DPP6: variants seen among roughly 807,000 people sequenced by gnomAD.
DPP6 encodes the protein A-type potassium channel modulatory protein DPP6.
Under a neutral mutation model 122.6 loss-of-function variants are expected in DPP6, and 69 were observed. The observed-to-expected ratio is 0.56, with a 90% CI of 0.46 to 0.69. DPP6 has a LOEUF of 0.69. DPP6 is among the 30% of genes least tolerant of loss of function. DPP6 has a pLI of 0.00. For synonymous variants in DPP6, 418 were observed against 433.1 expected, an observed-to-expected ratio of 0.97 and a Z score of 0.43; for missense variants, 928 against 1,116.9, an observed-to-expected ratio of 0.83 and a Z score of 2.41.
At chr7:154,064,948 C>T (rs980770927) in intron 1 of DPP6, among the ~76,000 whole-genome samples, 1 of 152,124 alleles carries the variant, frequency 6.6e-6, no homozygotes, top group Non-Finnish European at 1.5e-5. Context: ...GACCTTGCAG[C>T]GTCTCCTCCT....
chr7:153,787,086 G>C, the DPP6 span, among the ~76,000 whole-genome samples: 1 of 143,464 alleles, frequency 7.0e-6, no homozygotes, highest in Non-Finnish European at 1.5e-5. Flanking sequence ...CAAGTAGCTG[G>C]GACTACAGGT....
chr7:154,330,533 G>C (rs1254842330), intron 1 of DPP6, among the ~76,000 whole-genome samples: 1 of 152,232 alleles, frequency 6.6e-6, no homozygotes, highest in African/African-American at 2.4e-5. Flanking sequence ...AGGGCAGTTT[G>C]ACAAAGAGCA....
At chr7:154,346,546 A>G (rs1487371474) in intron 1 of DPP6, among the ~76,000 whole-genome samples, 1 of 152,124 alleles carries the variant, frequency 6.6e-6, no homozygotes, top group Non-Finnish European at 1.5e-5. Flanking sequence ...ATCTCAGGTA[A>G]TCCACCCACC....
the DPP6 span, among the ~76,000 whole-genome samples, chr7:153,804,913 C>T: frequency 1.3e-5 from 2 of 152,020 alleles, no homozygotes; most frequent in East Asian, 1.9e-4. Context: ...TTGCACCAAC[C>T]TATTAATTAA....
chr7:154,324,871 T>TATTA (rs1563481254), intron 1 of DPP6, among the ~76,000 whole-genome samples: 1 of 144,774 alleles, frequency 6.9e-6, no homozygotes, highest in Admixed American at 6.9e-5. Flanking sequence ...TTTGTTATTT[T>TATTA]TTTTTTTTTT....
At chr7:153,889,525 T>G (rs1365876523) in intron 1 of DPP6, among the ~76,000 whole-genome samples, 1 of 152,208 alleles carries the variant, frequency 6.6e-6, no homozygotes, top group African/African-American at 2.4e-5. Flanking sequence ...AAGTTTCTAC[T>G]TATAACTTGC....
chr7:154,602,384 A>C lies in DPP6; in HGVS notation c.628-35437A>C, dbSNP rs184391339. On this transcript the variant is annotated intron_variant, in intron 5 of 25. Transcript: ENST00000377770. ...AAATCAACTGTCTTTAAGAAAAAAAACAGCTTTATATTTATCTATTTCTTA... is the reference window on the plus strand; with the variant it reads ...AAATCAACTGTCTTTAAGAAAAAAACCAGCTTTATATTTATCTATTTCTTA... 1.8e-3 allele frequency among the ~76,000 whole-genome samples: 216 copies of C among 121,170 alleles called. 36 individuals are homozygous for C. The highest frequency in any genetic ancestry group is 5.6e-3 in the African/African-American group (214 of 38,082). The allele number at this position is 121,170 out of a possible 152,430, so 79.5% of individuals were successfully genotyped here. A position where few individuals can be genotyped will look rare whatever the true frequency, so the allele number is the denominator to read the frequency against.
At chr7:154,497,410 C>T (rs1357446328) in intron 3 of DPP6, among the ~76,000 whole-genome samples, 1 of 152,042 alleles carries the variant, frequency 6.6e-6, no homozygotes, top group East Asian at 1.9e-4. Flanking sequence ...GAGTTTGAAA[C>T]CAGCCTGGCC....
At chr7:154,169,390 A>C (rs1377190451) in intron 1 of DPP6, among the ~76,000 whole-genome samples, 1 of 152,184 alleles carries the variant, frequency 6.6e-6, no homozygotes, top group Non-Finnish European at 1.5e-5. Flanking sequence ...TCAGGCAAGC[A>C]GTTGGCTCCA....
chr7:154,040,645 A>G (rs1799711661), intron 1 of DPP6, among the ~76,000 whole-genome samples: 1 of 151,938 alleles, frequency 6.6e-6, no homozygotes. Context: ...ATGCAATTCC[A>G]GAAGGATAAT....
chr7:153,900,975 G>A (rs1223529794), intron 1 of DPP6, among the ~76,000 whole-genome samples: 4 of 152,238 alleles, frequency 2.6e-5, no homozygotes. Context: ...TTGTTATTAA[G>A]GAAGAATTGG....
intron 1 of DPP6, among the ~76,000 whole-genome samples, chr7:154,267,979 A>G (rs551167925): frequency 3.3e-5 from 5 of 151,720 alleles, no homozygotes; most frequent in African/African-American, 1.2e-4. Context: ...GTATATGCGC[A>G]CATACATATT....
chr7:154,382,751 G>T (rs1380917812), intron 1 of DPP6, among the ~76,000 whole-genome samples: 1 of 152,138 alleles, frequency 6.6e-6, no homozygotes, highest in Non-Finnish European at 1.5e-5. Flanking sequence ...TTGTTTTTGA[G>T]ACAGAGTTTT....
intron 1 of DPP6, among the ~76,000 whole-genome samples, chr7:154,202,954 C>A (rs1563312401): frequency 6.6e-6 from 1 of 152,048 alleles, no homozygotes; most frequent in Non-Finnish European, 1.5e-5. Flanking sequence ...CTGATGGGGA[C>A]ACAGGCCAGG....
intron 1 of DPP6, among the ~76,000 whole-genome samples, chr7:154,369,398 G>C (rs973819859): frequency 2.0e-5 from 3 of 151,960 alleles, no homozygotes; most frequent in African/African-American, 7.3e-5. Context: ...ACAGAGTTTT[G>C]CTATTGTCAC....
intron 1 of DPP6, among the ~76,000 whole-genome samples, chr7:154,037,605 A>T (rs1483745966): frequency 7.6e-6 from 1 of 131,592 alleles, no homozygotes; most frequent in Non-Finnish European, 1.6e-5. Flanking sequence ...TGGGCTTCTT[A>T]TCAGTGGTAT....
intron 1 of DPP6, among the ~76,000 whole-genome samples, chr7:154,029,455 T>G (rs1283111231): frequency 6.6e-6 from 1 of 151,598 alleles, no homozygotes; most frequent in Admixed American, 6.6e-5. Context: ...AGGCAGAGCT[T>G]GCAGTGAGCT....
the DPP6 span, among the ~76,000 whole-genome samples, chr7:153,785,572 C>G: frequency 6.6e-6 from 1 of 151,980 alleles, no homozygotes; most frequent in East Asian, 1.9e-4. Flanking sequence ...TAAAATATTT[C>G]CTCTTTAATT....
At chr7:154,779,933 C>A (rs533952951) in intron 10 of DPP6, among the ~76,000 whole-genome samples, 18 of 152,270 alleles carry the variant, frequency 1.2e-4, no homozygotes, top group African/African-American at 4.1e-4. Flanking sequence ...TGGACGTGGT[C>A]TGGATGTAAA....
Sources: allele counts gnomAD v4.1 joint callset (sites outside exome capture counted in the v4.1 genomes callset), GRCh38; gene constraint gnomAD v4.1.1; transcripts MANE v1.5; gene names NCBI Gene and HGNC (gene_info 2026-07-23, HGNC 2026-07-21).